ABCB4: variants seen among roughly 807,000 people sequenced by gnomAD.
ABCB4 encodes phosphatidylcholine translocator ABCB4.
ABCB4 carries 76 observed loss-of-function variants against 145.7 expected under a neutral mutation model. The observed-to-expected ratio is 0.52, with a 90% confidence interval of 0.43 to 0.63. ABCB4 has a LOEUF of 0.63. Among genes scored for constraint, ABCB4 ranks in the 30% least tolerant of loss-of-function variants. The probability of loss-of-function intolerance (pLI) is 0.00; values close to 1 mark genes in which losing one functional copy is unlikely to be tolerated. For synonymous variants in ABCB4, 517 were observed against 566.8 expected, an observed-to-expected ratio of 0.91 and a Z score of 1.25; for missense variants, 1,234 against 1,553.1, an observed-to-expected ratio of 0.79 and a Z score of 3.45.
chr7:87,387,179 T>A, the ABCB4 span, among the ~76,000 whole-genome samples: 1 of 152,016 alleles, frequency 6.6e-6, no homozygotes, highest in Non-Finnish European at 1.5e-5. Context: ...ACTAGATAGT[T>A]GTTTTGGTTT....
rs771461585 is a variant in ABCB4, at chr7:87,472,623, A to G, written c.133T>C (p.Leu45=). The G allele has an allele frequency of 5.6e-6, 9 of 1,607,538 alleles. No individual in the cohort carries two copies. The highest frequency in any genetic ancestry group is 1.3e-5 in the African/African-American group (1 of 74,756). ...ACATTTAACATTTCACAGCTTACCA[A>G]TGTTAATACTCCAATCATTTTCACT... is the stretch of plus-strand genomic sequence containing the variant. The part of the protein sequence containing the change: ...KTVKMIGVLT[L]FRYSDWQDKL... The change falls in exon 3 of 28, where the codon TTG becomes CTG. Residue 45 remains leucine, a splice_region_variant and synonymous_variant. Transcript: ENST00000649586.
intron 21 of ABCB4, among the ~76,000 whole-genome samples, 179 bp downstream of exon 21, chr7:87,417,133 C>T (rs375858294): frequency 2.6e-5 from 4 of 152,242 alleles, no homozygotes; most frequent in Admixed American, 6.5e-5. Context: ...ATGTTAATCA[C>T]CTTATATTTA....
chr7:87,416,382 T>G (rs181585490), intron 21 of ABCB4, among the ~76,000 whole-genome samples: 1 of 152,354 alleles, frequency 6.6e-6, no homozygotes, highest in East Asian at 1.9e-4. Flanking sequence ...TCATAACTAG[T>G]TAAGGTCAGT....
At chr7:87,475,690 G>A (rs1249058598), upstream of ABCB4, 16 of 513,580 alleles carry the variant, frequency 3.1e-5, no homozygotes, top group Middle Eastern at 1.0e-3. Flanking sequence ...TGCAGCAGAG[G>A]GGCCTGGACT....
the ABCB4 span, chr7:87,392,517 TG>T: frequency 1.4e-6 from 2 of 1,433,292 alleles, no homozygotes; most frequent in Non-Finnish European, 1.9e-6. Flanking sequence ...TTTTTCTAGT[TG>T]GGTTTTGCAC....
At position 87,439,757 on chromosome 7, in the gene ABCB4, C is replaced by G; in HGVS notation, c.1641G>C (p.Leu547=). The change falls in exon 14 of 28, where the codon CTG becomes CTC. Residue 547 remains leucine, a synonymous_variant. Transcript: ENST00000649586. ...QKQRIAIARA[L]VRNPKILLLD... ...GCAGAAGGATCTTGGGGTTGCGAACCAGGGCACGTGCAATGGCGATCCTCT... is the reference window on the plus strand; with the variant it reads ...GCAGAAGGATCTTGGGGTTGCGAACGAGGGCACGTGCAATGGCGATCCTCT... The G allele has an allele frequency of 6.2e-7, 1 of 1,614,180 alleles. No individual in the cohort carries two copies. Among genetic ancestry groups the G allele is most frequent in the Non-Finnish European group, 8.5e-7 (1 of 1,180,040 alleles).
Position 87,453,072 on chromosome 7 carries a change from T to C in ABCB4, c.408A>G (p.Ser136=). ...GTCGACCAGCTGCCAAAGTCCAAAATGAAACTTGTATATAGGCAGCAACAA... is the reference window on the plus strand; with the variant it reads ...GTCGACCAGCTGCCAAAGTCCAAAACGAAACTTGTATATAGGCAGCAACAA... ...GVLVAAYIQV[S]FWTLAAGRQI... is the part of the protein sequence containing the mutation. The change falls in exon 6 of 28, where the codon TCA becomes TCG. Residue 136 remains serine, a synonymous_variant. Coordinates refer to ENST00000649586, the MANE Select transcript of ABCB4 (RefSeq NM_000443.4). 1 of 1,614,094 alleles carries C rather than the reference T, an allele frequency of 6.2e-7. No individual in the cohort carries two copies. Among genetic ancestry groups the C allele is most frequent in the East Asian group, 2.2e-5 (1 of 44,880 alleles).
chr7:87,375,989 G>A, the ABCB4 span: 5 of 1,511,544 alleles, frequency 3.3e-6, no homozygotes, highest in Non-Finnish European at 4.4e-6. Context: ...TTTTATTGCA[G>A]ATTTTTCTGG....
In ABCB4 at chr7:87,419,713, C is replaced by T. The variant is rs536358610; in HGVS notation, c.2394+285G>A. On this transcript the variant is annotated intron_variant, in intron 19 of 27. Coordinates refer to ENST00000649586, the MANE Select transcript of ABCB4 (RefSeq NM_000443.4). ...GATCCAGAAAAGAGATACAGGTCTT[C>T]GAAATGATAGTGTCTACATGGAGAG... is the stretch of plus-strand genomic sequence containing the variant. Among the ~76,000 whole-genome samples, 4 of 148,238 alleles carry T rather than the reference C, an allele frequency of 2.7e-5. No homozygotes were observed. In the East Asian group the frequency reaches 7.9e-4, roughly 29 times the overall value.
chr7:87,460,411 A>G (rs956125988), intron 4 of ABCB4, among the ~76,000 whole-genome samples: 1 of 152,068 alleles, frequency 6.6e-6, no homozygotes, highest in African/African-American at 2.4e-5. Context: ...CATAATACCT[A>G]GTATTTGGTT....
At chr7:87,427,256 G>A (rs1397366716) in intron 15 of ABCB4, among the ~76,000 whole-genome samples, 1 of 151,706 alleles carries the variant, frequency 6.6e-6, no homozygotes, top group Non-Finnish European at 1.5e-5. Flanking sequence ...CCAAGAAAGG[G>A]AAGAAGACTA....
chr7:87,435,019 A>T (rs1810518053), intron 14 of ABCB4, among the ~76,000 whole-genome samples: 1 of 152,242 alleles, frequency 6.6e-6, no homozygotes, highest in Non-Finnish European at 1.5e-5. Flanking sequence ...TAAAAATATT[A>T]TTCTTCCAGG....
chr7:87,472,447 C>G (rs776624368), intron 3 of ABCB4, among the ~76,000 whole-genome samples, 174 bp downstream of exon 3: 1 of 152,068 alleles, frequency 6.6e-6, no homozygotes, highest in Non-Finnish European at 1.5e-5. Flanking sequence ...TGGTCTCAAA[C>G]TCTTGTGCTC....
chr7:87,366,594 C>T, the ABCB4 span, among the ~76,000 whole-genome samples: 1 of 152,236 alleles, frequency 6.6e-6, no homozygotes, highest in Non-Finnish European at 1.5e-5. Context: ...CTCAGCTGTT[C>T]CTTTGGCCAC....
At chr7:87,391,525 A>G in the ABCB4 span, 6 of 1,474,256 alleles carry the variant, frequency 4.1e-6, no homozygotes, top group South Asian at 1.3e-5. Context: ...TTAGGCAACT[A>G]TATCTGTAAT....
chr7:87,412,952 G>A (rs1808726224), intron 22 of ABCB4, among the ~76,000 whole-genome samples: 1 of 152,158 alleles, frequency 6.6e-6, no homozygotes, highest in African/African-American at 2.4e-5. Context: ...TGAGGAGATG[G>A]CATAAATTGA....
At chr7:87,403,026 C>T (rs1438478628) in intron 27 of ABCB4, 109 bp downstream of exon 27, 24 of 1,209,438 alleles carry the variant, frequency 2.0e-5, no homozygotes, top group East Asian at 7.0e-5. Context: ...CACTATCTAA[C>T]GTTCTGTGTT....
At chr7:87,418,769 C>T (rs1436682588) in intron 19 of ABCB4, 149 bp from the exon 20 acceptor site, 1 of 739,782 alleles carries the variant, frequency 1.4e-6, no homozygotes, top group Admixed American at 2.1e-5. Flanking sequence ...GAGCACACAC[C>T]CCCAGAATCT....
At chr7:87,375,040 G>A in the ABCB4 span, among the ~76,000 whole-genome samples, 1 of 152,006 alleles carries the variant, frequency 6.6e-6, no homozygotes, top group Admixed American at 6.6e-5. Context: ...CAATCTAGGA[G>A]CATAAAATAC....
Sources: gnomAD v4.1 joint callset for allele counts (sites outside exome capture counted in the v4.1 genomes callset) on GRCh38, gnomAD v4.1.1 for gene constraint, MANE v1.5 for transcripts, NCBI Gene and HGNC (gene_info 2026-07-23, HGNC 2026-07-21) for gene names.